Variants in CD244 observed in about 807,000 individuals in gnomAD.
CD244 encodes CD244 molecule.
A neutral mutation model predicts 45.5 loss-of-function variants in CD244; 20 were observed. The ratio of observed to expected loss-of-function variants is 0.44; its 90% CI spans 0.31 to 0.64. The LOEUF is 0.64. Among genes scored for constraint, CD244 ranks in the 30% least tolerant of loss-of-function variants. The pLI, the probability that CD244 is intolerant of heterozygous loss-of-function variation, is 0.08. For synonymous variants in CD244, 185 were observed against 160.5 expected, an observed-to-expected ratio of 1.15 and a Z score of -1.15; for missense variants, 407 against 426.9, an observed-to-expected ratio of 0.95 and a Z score of 0.41.
chr1:160,832,395 A>T, intron 8 of CD244, 124 bp downstream of exon 8: 1 of 663,644 alleles, frequency 1.5e-6, no homozygotes. Context: ...GCATTAGAAG[A>T]TCTCTAAATT....
intron 3 of CD244, 95 bp from the exon 4 acceptor site, chr1:160,839,144 TTC>T (rs1160414781): frequency 2.5e-6 from 2 of 809,562 alleles, no homozygotes. Context: ...AAACCCACTT[TTC>T]TCTGTGTTGT....
chr1:160,847,402 C>A (rs1377127863), intron 1 of CD244, among the ~76,000 whole-genome samples: 1 of 152,008 alleles, frequency 6.6e-6, no homozygotes, highest in East Asian at 1.9e-4. Context: ...AATACATATT[C>A]TTTTCAAGTG....
chr1:160,839,179 G>A (rs1669447566), intron 3 of CD244, 130 bp from the exon 4 acceptor site: 2 of 630,132 alleles, frequency 3.2e-6, no homozygotes, highest in African/African-American at 3.7e-5. Flanking sequence ...CGTGCTCTGA[G>A]AACTCACGGT....
chr1:160,856,328 G>C (rs1211231530), intron 1 of CD244, among the ~76,000 whole-genome samples: 3 of 152,122 alleles, frequency 2.0e-5, no homozygotes, highest in Non-Finnish European at 1.5e-5. Flanking sequence ...AACTCACCTA[G>C]CCCAAGTCCC....
chr1:160,831,328 G>T lies in CD244; in HGVS notation c.*19C>A, dbSNP rs576907577. ...AAGCAGATGCTGATGTGCAAGAAAG[G>T]TGAGAATTGCTGCAGCAACTAGGAA... On this transcript the variant is annotated 3_prime_UTR_variant, in exon 9 of 9. Coordinates refer to ENST00000368034, the MANE Select transcript of CD244 (RefSeq NM_016382.4). 1 of 1,600,018 alleles carries T rather than the reference G, an allele frequency of 6.2e-7. No homozygotes were observed. Among genetic ancestry groups the T allele is most frequent in the South Asian group, 1.1e-5 (1 of 90,750 alleles).
At chr1:160,851,547 CAA>C (rs1669919354) in intron 1 of CD244, among the ~76,000 whole-genome samples, 1 of 152,084 alleles carries the variant, frequency 6.6e-6, no homozygotes, top group Non-Finnish European at 1.5e-5. Context: ...TAATTTAAAA[CAA>C]ATCATAAATT....
chr1:160,849,661 C>G (rs1036797612), intron 1 of CD244, among the ~76,000 whole-genome samples: 2 of 152,140 alleles, frequency 1.3e-5, no homozygotes, highest in African/African-American at 4.8e-5. Context: ...CTCTTTTAAT[C>G]AACATTGTAC....
chr1:160,857,874 C>G (rs1322329365), intron 1 of CD244, among the ~76,000 whole-genome samples: 1 of 151,276 alleles, frequency 6.6e-6, no homozygotes, highest in African/African-American at 2.4e-5. Context: ...TAGCAAAACC[C>G]CATCTCTACA....
At chr1:160,835,948 G>A (rs1397746923) in intron 6 of CD244, among the ~76,000 whole-genome samples, 1 of 152,172 alleles carries the variant, frequency 6.6e-6, no homozygotes, top group Non-Finnish European at 1.5e-5. Context: ...GACTTTATCT[G>A]GGCCAGACCT....
intron 1 of CD244, among the ~76,000 whole-genome samples, chr1:160,856,597 G>T (rs111955213): frequency 6.6e-6 from 1 of 152,036 alleles, no homozygotes; most frequent in Non-Finnish European, 1.5e-5. Context: ...AATGTATCTT[G>T]CCTGTTAATG....
At chr1:160,859,993 G>T (rs2101898147) in intron 1 of CD244, among the ~76,000 whole-genome samples, 1 of 152,120 alleles carries the variant, frequency 6.6e-6, no homozygotes. Flanking sequence ...GATCACTTGA[G>T]GTCAGGAGTT....
chr1:160,855,763 G>A (rs1177818542), intron 1 of CD244, among the ~76,000 whole-genome samples: 1 of 152,172 alleles, frequency 6.6e-6, no homozygotes, highest in East Asian at 1.9e-4. Flanking sequence ...AACGGATGAG[G>A]TGAACTAGTA....
chr1:160,851,297 A>G (rs1470940406), intron 1 of CD244, among the ~76,000 whole-genome samples: 2 of 152,194 alleles, frequency 1.3e-5, no homozygotes, highest in Non-Finnish European at 2.9e-5. Flanking sequence ...CCCTATCCCG[A>G]AGCTGCCTAC....
intron 1 of CD244, among the ~76,000 whole-genome samples, chr1:160,861,817 A>C (rs139907394): frequency 6.6e-6 from 1 of 152,196 alleles, no homozygotes; most frequent in African/African-American, 2.4e-5. Flanking sequence ...AGCCTGGGTG[A>C]CAGAAGGAGA....
chr1:160,841,962 C>T (rs1313500338), intron 1 of CD244, 61 bp from the exon 2 acceptor site: 12 of 1,463,830 alleles, frequency 8.2e-6, no homozygotes, highest in African/African-American at 1.4e-5. Context: ...GCAATGTGGG[C>T]AGCTGGATGT....
intron 3 of CD244, 73 bp downstream of exon 3, chr1:160,841,137 C>A: frequency 6.9e-7 from 1 of 1,445,768 alleles, no homozygotes; most frequent in Non-Finnish European, 9.6e-7. Context: ...CATACCACAT[C>A]TGTCTTGCAC....
intron 1 of CD244, among the ~76,000 whole-genome samples, chr1:160,842,623 C>A (rs1669582081): frequency 6.6e-6 from 1 of 152,192 alleles, no homozygotes; most frequent in East Asian, 1.9e-4. Flanking sequence ...TCTCACAGAG[C>A]TGAATACATA....
Position 160,862,768 on chromosome 1 carries a change from C to G in CD244, c.-91G>C. ...CAGCAGTCCCCAGTCAGCAAGAGGACGATGGGGAGCAGAACTGCCTTGCAA... is the reference window on the plus strand; with the variant it reads ...CAGCAGTCCCCAGTCAGCAAGAGGAGGATGGGGAGCAGAACTGCCTTGCAA... On this transcript the variant is annotated 5_prime_UTR_variant, in exon 1 of 9. Coordinates refer to ENST00000368034, the MANE Select transcript of CD244 (RefSeq NM_016382.4). 8.7e-7 allele frequency: 1 copy of G among 1,150,060 alleles called. No individual in the cohort carries two copies. The highest frequency in any genetic ancestry group is 1.3e-6 in the Non-Finnish European group (1 of 784,918). 71.2% of individuals were successfully genotyped at this position (1,150,060 alleles called of 1,614,324 possible).
intron 3 of CD244, 63 bp from the exon 4 acceptor site, chr1:160,839,112 G>T: frequency 8.1e-7 from 1 of 1,238,086 alleles, no homozygotes; most frequent in Non-Finnish European, 1.2e-6. Flanking sequence ...CTTCCCACCT[G>T]CCTGCTGCAG....
Sources: allele counts gnomAD v4.1 joint callset (sites outside exome capture counted in the v4.1 genomes callset), GRCh38; gene constraint gnomAD v4.1.1; transcripts MANE v1.5; gene names NCBI Gene and HGNC (gene_info 2026-07-23, HGNC 2026-07-21).